Variants in CNTNAP2 observed in about 807,000 individuals in gnomAD.
CNTNAP2 encodes contactin-associated protein-like 2.
Under a neutral mutation model 155.2 loss-of-function variants are expected in CNTNAP2, and 98 were observed. That is an observed-to-expected ratio of 0.63 (90% CI 0.54 to 0.75). The LOEUF (loss-of-function observed/expected upper bound fraction) is 0.75, where lower values mean the gene tolerates loss of function less well. CNTNAP2 is among the 30% of genes least tolerant of loss of function. The pLI is 0.00. For missense variants in CNTNAP2, 1,727 were observed against 1,688.1 expected (o/e 1.02, Z -0.40); for synonymous variants, 651 against 631.2 (o/e 1.03, Z -0.47).
intron 1 of CNTNAP2, among the ~76,000 whole-genome samples, chr7:146,304,520 C>A (rs1038754111): frequency 7.2e-5 from 11 of 152,044 alleles, no homozygotes; most frequent in African/African-American, 2.7e-4. Context: ...ATTTCTCCTT[C>A]ACTCATGAAG....
At chr7:146,722,523 T>C (rs1469084538) in intron 1 of CNTNAP2, among the ~76,000 whole-genome samples, 1 of 152,134 alleles carries the variant, frequency 6.6e-6, no homozygotes, top group Non-Finnish European at 1.5e-5. Context: ...ACATTAATAG[T>C]TTAGGAATTT....
rs550447404 is a variant in CNTNAP2 at position 146,742,581 on chromosome 7, G to A, written c.98-31690G>A. ...TTGTCCTTAGAACGGACTGAAGAGCGGAAGATTAGCAGCAGAGAGAGAAAT... is the reference window on the plus strand; with the variant it reads ...TTGTCCTTAGAACGGACTGAAGAGCAGAAGATTAGCAGCAGAGAGAGAAAT... On this transcript the variant is annotated intron_variant, in intron 1 of 23. Transcript: ENST00000361727. 2.9e-4 allele frequency among the ~76,000 whole-genome samples: 44 copies of A among 152,184 alleles called. 2 individuals are homozygous for A. The South Asian group carries it at 4.8e-3, about 16-fold the overall frequency.
At chr7:147,709,710 G>T (rs1219461381) in intron 13 of CNTNAP2, among the ~76,000 whole-genome samples, 2 of 152,116 alleles carry the variant, frequency 1.3e-5, no homozygotes, top group Non-Finnish European at 2.9e-5. Flanking sequence ...AGACAAACCT[G>T]TCTAGGTACT....
chr7:148,290,987 G>A (rs1402637783), intron 21 of CNTNAP2, among the ~76,000 whole-genome samples: 1 of 152,164 alleles, frequency 6.6e-6, no homozygotes. Flanking sequence ...GATGGTTTTG[G>A]TGTTGCTTTG....
intron 8 of CNTNAP2, among the ~76,000 whole-genome samples, chr7:147,294,320 T>C (rs1805381412): frequency 6.6e-6 from 1 of 152,204 alleles, no homozygotes; most frequent in Non-Finnish European, 1.5e-5. Context: ...CATTCTCACT[T>C]TTTAGAAATA....
chr7:147,755,920 G>A (rs2116510872), intron 13 of CNTNAP2, among the ~76,000 whole-genome samples: 1 of 152,304 alleles, frequency 6.6e-6, no homozygotes, highest in South Asian at 2.1e-4. Flanking sequence ...AGTAGATTTA[G>A]TGAACTTGAT....
intron 16 of CNTNAP2, among the ~76,000 whole-genome samples, chr7:148,141,090 C>T (rs1214542308): frequency 1.3e-5 from 2 of 152,234 alleles, no homozygotes; most frequent in African/African-American, 4.8e-5. Context: ...CCCAAACCTA[C>T]TGAATCAGAT....
chr7:146,416,592 A>G (rs1307120665), intron 1 of CNTNAP2, among the ~76,000 whole-genome samples: 3 of 152,128 alleles, frequency 2.0e-5, no homozygotes, highest in Non-Finnish European at 4.4e-5. Context: ...TTTTAAAAAT[A>G]TGCAGCTTAT....
intron 1 of CNTNAP2, among the ~76,000 whole-genome samples, chr7:146,244,789 G>A (rs1381550125): frequency 1.3e-5 from 2 of 152,082 alleles, no homozygotes; most frequent in East Asian, 3.9e-4. Context: ...GACTGCGGTG[G>A]CCTTCTCAGA....
At chr7:147,114,282 T>C (rs947697618) in intron 5 of CNTNAP2, among the ~76,000 whole-genome samples, 2 of 152,152 alleles carry the variant, frequency 1.3e-5, no homozygotes, top group African/African-American at 4.8e-5. Flanking sequence ...AGTATGCATA[T>C]TCTGTTGTCT....
intron 2 of CNTNAP2, among the ~76,000 whole-genome samples, chr7:146,811,625 T>G: frequency 6.6e-6 from 1 of 152,126 alleles, no homozygotes; most frequent in Non-Finnish European, 1.5e-5. Flanking sequence ...TATTTCTAGT[T>G]TTTATCTTAT....
intron 2 of CNTNAP2, among the ~76,000 whole-genome samples, chr7:146,794,683 T>C (rs1321460375): frequency 6.6e-6 from 1 of 152,252 alleles, no homozygotes; most frequent in African/African-American, 2.4e-5. Flanking sequence ...TCTAACTGTG[T>C]TTTTTCATAA....
At chr7:147,519,023 CAA>C (rs149054741) in intron 11 of CNTNAP2, among the ~76,000 whole-genome samples, 50,561 of 101,614 alleles carry the variant, frequency 0.5, 11,567 homozygotes, top group Non-Finnish European at 0.61. Context: ...GACTCTGTCT[CAA>C]AAAAAAAAAA....
intron 13 of CNTNAP2, among the ~76,000 whole-genome samples, chr7:147,670,838 C>A (rs74806085): frequency 0.063 from 9,592 of 152,298 alleles, 428 homozygotes; most frequent in Middle Eastern, 0.14. Flanking sequence ...GTCACACTTG[C>A]CCTGTGCCCC....
At chr7:146,224,591 C>A (rs145588680) in intron 1 of CNTNAP2, among the ~76,000 whole-genome samples, 1 of 148,280 alleles carries the variant, frequency 6.7e-6, no homozygotes, top group African/African-American at 2.5e-5. Flanking sequence ...ACAAAAAATA[C>A]AAAAAAAAAA....
At chr7:147,109,674 C>T (rs1170343399) in intron 5 of CNTNAP2, among the ~76,000 whole-genome samples, 1 of 151,962 alleles carries the variant, frequency 6.6e-6, no homozygotes, top group Non-Finnish European at 1.5e-5. Context: ...TTGGGCTTAA[C>T]AACATGGAGG....
chr7:146,699,803 A>G (rs1244169209), intron 1 of CNTNAP2, among the ~76,000 whole-genome samples: 1 of 152,070 alleles, frequency 6.6e-6, no homozygotes, highest in Non-Finnish European at 1.5e-5. Context: ...CCCCGTCTCT[A>G]CTAAAAATAC....
At chr7:148,358,962 G>C (rs1027494360) in intron 21 of CNTNAP2, among the ~76,000 whole-genome samples, 1 of 152,206 alleles carries the variant, frequency 6.6e-6, no homozygotes, top group Non-Finnish European at 1.5e-5. Flanking sequence ...TAGCTCTTCC[G>C]AAATACAGTC....
chr7:147,821,802 TA>T (rs1002849824), intron 13 of CNTNAP2, among the ~76,000 whole-genome samples: 3 of 152,262 alleles, frequency 2.0e-5, no homozygotes, highest in African/African-American at 7.2e-5. Context: ...AGCTGAACTT[TA>T]GGGAAATGAT....
Sources: gnomAD v4.1 joint callset for allele counts (sites outside exome capture counted in the v4.1 genomes callset) on GRCh38, gnomAD v4.1.1 for gene constraint, MANE v1.5 for transcripts, NCBI Gene and HGNC (gene_info 2026-07-23, HGNC 2026-07-21) for gene names.